The following GLRB variants were observed in gnomAD, a reference collection of about 807,000 sequenced individuals.
GLRB encodes the protein glycine receptor beta, also known as glycine receptor subunit beta.
GLRB carries 33 observed loss-of-function variants against 54.2 expected under a neutral mutation model. That is an observed-to-expected ratio of 0.61 (90% CI 0.46 to 0.81). The LOEUF is 0.81. Among genes scored for constraint, GLRB ranks in the 40% least tolerant of loss-of-function variants. The pLI is 0.00. For missense variants in GLRB, 572 were observed against 584.6 expected, an observed-to-expected ratio of 0.98 and a Z score of 0.22; for synonymous variants, 209 against 208.2, an observed-to-expected ratio of 1.00 and a Z score of -0.03.
Position 157,163,880 on chromosome 4 carries a change from T to C in GLRB, c.1198-6552T>C, listed in dbSNP as rs117501361. ...TTAATATAATGTCCAGGATTTTTTATTGAACTTAGCAGGAGGAATAGGAAA... is the reference window on the plus strand; with the variant it reads ...TTAATATAATGTCCAGGATTTTTTACTGAACTTAGCAGGAGGAATAGGAAA... On this transcript the variant is annotated intron_variant, in intron 9 of 9. Coordinates refer to ENST00000264428, the MANE Select transcript of GLRB (RefSeq NM_000824.5). Among the ~76,000 whole-genome samples, 93 of 147,468 alleles carry C rather than the reference T, an allele frequency of 6.3e-4. 1 individual carries two copies. In the East Asian group the frequency reaches 0.015, roughly 24 times the overall value.
intron 3 of GLRB, among the ~76,000 whole-genome samples, chr4:157,121,221 CAT>C (rs1157689367): frequency 6.6e-6 from 1 of 151,674 alleles, no homozygotes; most frequent in East Asian, 1.9e-4. Context: ...TAGTCCACAA[CAT>C]AGATTATTTT....
At chr4:157,081,294 T>C (rs1469473228) in intron 2 of GLRB, among the ~76,000 whole-genome samples, 1 of 152,230 alleles carries the variant, frequency 6.6e-6, no homozygotes, top group Admixed American at 6.5e-5. Flanking sequence ...CTGAGTGATT[T>C]TGTAGAAATC....
chr4:157,080,072 A>T (rs1348119332), intron 2 of GLRB, among the ~76,000 whole-genome samples: 1 of 152,172 alleles, frequency 6.6e-6, no homozygotes, highest in Non-Finnish European at 1.5e-5. Flanking sequence ...AGAGTATTTT[A>T]GAGGACATTC....
intron 4 of GLRB, among the ~76,000 whole-genome samples, chr4:157,129,768 T>G (rs534726376): frequency 9.2e-5 from 14 of 151,510 alleles, no homozygotes; most frequent in Non-Finnish European, 1.9e-4. Context: ...TTTTTTGTGG[T>G]GTATTGAGGT....
At chr4:157,152,558 G>A (rs144483596) in intron 8 of GLRB, among the ~76,000 whole-genome samples, 160 bp from the exon 9 acceptor site, 13 of 152,262 alleles carry the variant, frequency 8.5e-5, no homozygotes, top group African/African-American at 2.6e-4. Context: ...GAAAAGGCAT[G>A]TACCTATTAT....
At chr4:157,124,396 T>G (rs561993503) in intron 4 of GLRB, among the ~76,000 whole-genome samples, 1 of 151,960 alleles carries the variant, frequency 6.6e-6, no homozygotes, top group African/African-American at 2.4e-5. Context: ...GTAATTAAAT[T>G]ATTTTTGTGT....
chr4:157,149,220 C>G (rs1736930190), intron 8 of GLRB, among the ~76,000 whole-genome samples: 1 of 151,846 alleles, frequency 6.6e-6, no homozygotes, highest in African/African-American at 2.4e-5. Flanking sequence ...TTTAAATTGC[C>G]CTAGATTCAT....
chr4:157,131,600 A>G (rs1399694770), intron 4 of GLRB, among the ~76,000 whole-genome samples: 3 of 151,698 alleles, frequency 2.0e-5, no homozygotes, highest in East Asian at 1.9e-4. Context: ...TCTCCTCTCT[A>G]AATTCTGGAA....
intron 2 of GLRB, among the ~76,000 whole-genome samples, chr4:157,102,079 AT>A (rs564159310): frequency 3.3e-5 from 5 of 152,178 alleles, no homozygotes; most frequent in Admixed American, 2.6e-4. Flanking sequence ...TTTTTAATGG[AT>A]TTTTTTCTGT....
At chr4:157,087,054 A>T (rs1207259147) in intron 2 of GLRB, among the ~76,000 whole-genome samples, 1 of 152,138 alleles carries the variant, frequency 6.6e-6, no homozygotes, top group Non-Finnish European at 1.5e-5. Flanking sequence ...TGAAATGGTT[A>T]TATATACTTT....
chr4:157,144,030 A>G, intron 8 of GLRB, 71 bp downstream of exon 8: 2 of 1,417,202 alleles, frequency 1.4e-6, no homozygotes, highest in Non-Finnish European at 2.0e-6. Context: ...CATATAATCA[A>G]CTACTTTGAA....
chr4:157,111,544 T>C (rs995014858), intron 2 of GLRB, among the ~76,000 whole-genome samples: 1 of 151,838 alleles, frequency 6.6e-6, no homozygotes, highest in African/African-American at 2.4e-5. Flanking sequence ...GGCTGGAGGG[T>C]GTCTTATTTT....
intron 2 of GLRB, among the ~76,000 whole-genome samples, chr4:157,086,699 T>C (rs934023477): frequency 2.0e-5 from 3 of 152,172 alleles, no homozygotes; most frequent in African/African-American, 7.2e-5. Context: ...GAAGATAAGT[T>C]CAATTAAAGG....
chr4:157,125,786 A>G lies in GLRB; in HGVS notation c.297+3389A>G, dbSNP rs144195686. Among the ~76,000 whole-genome samples the G allele has an allele frequency of 4.1e-3, 629 of 151,982 alleles. 5 individuals carry two copies. The highest frequency in any genetic ancestry group is 0.014 in the African/African-American group (563 of 41,504). On this transcript the variant is annotated intron_variant, in intron 4 of 9. Coordinates refer to ENST00000264428, the MANE Select transcript of GLRB (RefSeq NM_000824.5). The stretch of plus-strand genomic sequence containing the variant: ...CGTCTGTACTAAAAATACAAAATAA[A>G]TAAATAAATAAATTAGCTGGGCATG...
chr4:157,125,824 A>G (rs1222517506), intron 4 of GLRB, among the ~76,000 whole-genome samples: 1 of 151,820 alleles, frequency 6.6e-6, no homozygotes, highest in Non-Finnish European at 1.5e-5. Flanking sequence ...GGTGCACACC[A>G]GTAATCCCAG....
chr4:157,162,604 C>T (rs1022120908), intron 9 of GLRB, among the ~76,000 whole-genome samples: 1 of 152,174 alleles, frequency 6.6e-6, no homozygotes, highest in Non-Finnish European at 1.5e-5. Context: ...AGGTCCACTC[C>T]AGCCCCTGTT....
intron 1 of GLRB, among the ~76,000 whole-genome samples, chr4:157,077,048 G>C (rs1033261349): frequency 4.0e-5 from 6 of 148,568 alleles, no homozygotes; most frequent in Non-Finnish European, 7.4e-5. Flanking sequence ...AATTAAGTTA[G>C]CGTTGAAGAA....
intron 2 of GLRB, among the ~76,000 whole-genome samples, chr4:157,110,859 C>T (rs1735392736): frequency 6.6e-6 from 1 of 151,934 alleles, no homozygotes; most frequent in African/African-American, 2.4e-5. Flanking sequence ...AAGTGGCTCC[C>T]AGGTGTCCAG....
At chr4:157,165,620 A>G (rs533338323) in intron 9 of GLRB, among the ~76,000 whole-genome samples, 1 of 152,060 alleles carries the variant, frequency 6.6e-6, no homozygotes, top group Non-Finnish European at 1.5e-5. Flanking sequence ...TGCCTATATA[A>G]TTGTCTGGAG....
Sources: gnomAD v4.1 joint callset for allele counts (sites outside exome capture counted in the v4.1 genomes callset) on GRCh38, gnomAD v4.1.1 for gene constraint, MANE v1.5 for transcripts, NCBI Gene and HGNC (gene_info 2026-07-23, HGNC 2026-07-21) for gene names.